Variants in BMAL1 observed in about 807,000 individuals in gnomAD.
BMAL1 encodes the protein basic helix-loop-helix ARNT like 1, also known as basic helix-loop-helix ARNT-like protein 1.
At chr11:13,354,413 C>T in the BMAL1 span, 1 of 1,614,150 alleles carries the variant, frequency 6.2e-7, no homozygotes. Context: ...GTGTGGATTG[C>T]AACCGCAAAC....
the BMAL1 span, among the ~76,000 whole-genome samples, chr11:13,367,427 G>A: frequency 4.9e-4 from 74 of 152,286 alleles, no homozygotes; most frequent in African/African-American, 1.6e-3. Flanking sequence ...CTGGCTGGGC[G>A]CAGTGGCTCA....
chr11:13,360,264 C>G, the BMAL1 span: 1 of 1,280,528 alleles, frequency 7.8e-7, no homozygotes, highest in South Asian at 1.2e-5. Flanking sequence ...AGGCCACTTA[C>G]AGAAGGTTTG....
At chr11:13,291,828 T>C in the BMAL1 span, among the ~76,000 whole-genome samples, 1 of 152,230 alleles carries the variant, frequency 6.6e-6, no homozygotes, top group African/African-American at 2.4e-5. Context: ...TACAGAATAC[T>C]CACATATCTT....
chr11:13,320,241 C>T, the BMAL1 span, among the ~76,000 whole-genome samples: 2 of 152,188 alleles, frequency 1.3e-5, no homozygotes, highest in Non-Finnish European at 2.9e-5. Context: ...TGAATTCTGC[C>T]TTCTCTAGCT....
the BMAL1 span, among the ~76,000 whole-genome samples, chr11:13,335,528 C>T: frequency 6.6e-6 from 1 of 152,168 alleles, no homozygotes; most frequent in African/African-American, 2.4e-5. Flanking sequence ...GGCAGGGGTG[C>T]TAGATATAAT....
the BMAL1 span, among the ~76,000 whole-genome samples, chr11:13,312,298 G>A: frequency 9.6e-3 from 1,457 of 152,252 alleles, 13 homozygotes; most frequent in Non-Finnish European, 0.014. Flanking sequence ...ATTTGAACCC[G>A]GGTCTGTATA....
the BMAL1 span, among the ~76,000 whole-genome samples, chr11:13,296,415 C>T: frequency 6.6e-6 from 1 of 152,196 alleles, no homozygotes; most frequent in East Asian, 1.9e-4. Flanking sequence ...CACCCACAGA[C>T]CGATTTTAAC....
At chr11:13,348,077 G>C in the BMAL1 span, among the ~76,000 whole-genome samples, 1 of 152,190 alleles carries the variant, frequency 6.6e-6, no homozygotes, top group Non-Finnish European at 1.5e-5. Flanking sequence ...CTGGGCAGGA[G>C]CTGCTGCAGG....
At chr11:13,304,426 C>T in the BMAL1 span, among the ~76,000 whole-genome samples, 2 of 152,216 alleles carry the variant, frequency 1.3e-5, no homozygotes, top group African/African-American at 4.8e-5. Flanking sequence ...GTATTAGTCT[C>T]ACTTCCTACC....
the BMAL1 span, chr11:13,381,391 T>G: frequency 1.2e-6 from 1 of 806,140 alleles, no homozygotes. Context: ...AATGCATCTG[T>G]GTGAGGCTGG....
chr11:13,317,242 C>T, the BMAL1 span, among the ~76,000 whole-genome samples: 1 of 151,918 alleles, frequency 6.6e-6, no homozygotes, highest in African/African-American at 2.4e-5. Flanking sequence ...AAGAAAAGTG[C>T]TTTTTGAATT....
chr11:13,283,192 C>T, the BMAL1 span, among the ~76,000 whole-genome samples: 1 of 152,106 alleles, frequency 6.6e-6, no homozygotes, highest in African/African-American at 2.4e-5. Flanking sequence ...GGCTGGTCTG[C>T]CTAATTTAAT....
chr11:13,316,391 AT>A, the BMAL1 span, among the ~76,000 whole-genome samples: 1 of 152,048 alleles, frequency 6.6e-6, no homozygotes, highest in African/African-American at 2.4e-5. Context: ...CCCCTGCTAT[AT>A]CTCCCTCTCT....
chr11:13,367,308 G>C, the BMAL1 span, among the ~76,000 whole-genome samples: 1 of 152,276 alleles, frequency 6.6e-6, no homozygotes, highest in South Asian at 2.1e-4. Flanking sequence ...TCTGCCCCCA[G>C]CTTCCTGCTA....
chr11:13,368,301 C>T, the BMAL1 span, among the ~76,000 whole-genome samples: 258 of 152,218 alleles, frequency 1.7e-3, no homozygotes, highest in African/African-American at 5.7e-3. Context: ...AGATGACAAC[C>T]GAGGTGGGTT....
At chr11:13,317,116 A>C in the BMAL1 span, among the ~76,000 whole-genome samples, 16 of 152,218 alleles carry the variant, frequency 1.1e-4, no homozygotes, top group Admixed American at 3.3e-4. Context: ...AATATTTATT[A>C]TCTGTTAACA....
At chr11:13,373,046 AT>A in the BMAL1 span, among the ~76,000 whole-genome samples, 1 of 152,166 alleles carries the variant, frequency 6.6e-6, no homozygotes, top group African/African-American at 2.4e-5. Flanking sequence ...CTTGGAAGCA[AT>A]TATTTAGTCC....
At chr11:13,371,767 G>A in the BMAL1 span, among the ~76,000 whole-genome samples, 2 of 152,152 alleles carry the variant, frequency 1.3e-5, no homozygotes, top group Non-Finnish European at 2.9e-5. Flanking sequence ...CAGAGCTCTT[G>A]GCCAGTTCCT....
the BMAL1 span, among the ~76,000 whole-genome samples, chr11:13,342,096 G>C: frequency 1.3e-5 from 2 of 152,242 alleles, no homozygotes; most frequent in East Asian, 1.9e-4. Flanking sequence ...GCACCTGGGA[G>C]ATCTTTGTGG....
Sources: allele counts gnomAD v4.1 joint callset (sites outside exome capture counted in the v4.1 genomes callset), GRCh38; gene constraint gnomAD v4.1.1; transcripts MANE v1.5; gene names NCBI Gene and HGNC (gene_info 2026-07-23, HGNC 2026-07-21).